Variants in TNFAIP8L3 observed in about 807,000 individuals in gnomAD.
TNFAIP8L3 encodes the protein tumor necrosis factor alpha-induced protein 8-like protein 3.
Under a neutral mutation model 11.8 loss-of-function variants are expected in TNFAIP8L3, and 7 were observed. That is an observed-to-expected ratio of 0.59 (90% CI 0.34 to 1.11). TNFAIP8L3 has a LOEUF of 1.11. Among genes scored for constraint, TNFAIP8L3 ranks in the 50% most tolerant of loss-of-function variants. The pLI, the probability that TNFAIP8L3 is intolerant of heterozygous loss-of-function variation, is 0.03. For missense variants in TNFAIP8L3, 219 were observed against 258.6 expected (o/e 0.85, Z 1.05); for synonymous variants, 98 against 103.8 (o/e 0.94, Z 0.34).
At position 51,085,455 on chromosome 15, in the gene TNFAIP8L3, C is replaced by T. The variant is rs148414331; in HGVS notation, c.52+9089G>A. Among the ~76,000 whole-genome samples, 1,401 of 152,216 alleles carry T rather than the reference C, an allele frequency of 9.2e-3. 6 individuals carry two copies. The highest frequency in any genetic ancestry group is 0.014 in the Non-Finnish European group (919 of 68,002). ...AGGAGGCCCCTGGGCAACGTGCTAG[C>T]GTGGGCCTGTGCTGGTCTGACCTGT... On this transcript the variant is annotated intron_variant, in intron 1 of 1. Coordinates refer to ENST00000637513, the MANE Select transcript of TNFAIP8L3 (RefSeq NM_001311175.2).
Position 51,091,725 on chromosome 15 carries a change from C to A in TNFAIP8L3, c.52+2819G>T, listed in dbSNP as rs568685037. On this transcript the variant is annotated intron_variant, in intron 1 of 1. Transcript: ENST00000637513. ...ACACACACACACACACACGTGCACA[C>A]ACCAGAGATAATGAACAAGAGACTG... is the stretch of plus-strand genomic sequence containing the variant. Among the ~76,000 whole-genome samples the A allele has an allele frequency of 1.8e-4, 27 of 150,634 alleles. No homozygotes were observed. The South Asian group carries it at 5.7e-3, about 32-fold the overall frequency.
chr15:51,083,374 T>C (rs1388073659), intron 1 of TNFAIP8L3, among the ~76,000 whole-genome samples: 1 of 152,180 alleles, frequency 6.6e-6, no homozygotes, highest in Non-Finnish European at 1.5e-5. Flanking sequence ...TTAAATGTCG[T>C]TGTATCCCCC....
In TNFAIP8L3 at chr15:51,094,469, C is replaced by T. The variant is rs1378546283; in HGVS notation, c.52+75G>A. The T allele has an allele frequency of 1.5e-6, 2 of 1,370,146 alleles. No individual in the cohort carries two copies. The highest frequency in any genetic ancestry group is 3.1e-5 in the Admixed American group (1 of 32,734). 84.9% of individuals were successfully genotyped at this position (1,370,146 alleles called of 1,614,324 possible). On this transcript the variant is annotated intron_variant, in intron 1 of 1. Transcript: ENST00000637513. This position sits in a 1 kb window ranked among gnomAD's most constrained non-coding sequence, Gnocchi z 4.4. ...GGGTCGGGCTGCTGAGGATCGGCTT[C>T]CCGATTTCATGCCCCAGCCTCCCGT...
At chr15:51,104,900 T>G (rs2065578839) in intron 1 of TNFAIP8L3, 1 of 1,400,760 alleles carries the variant, frequency 7.1e-7, no homozygotes, top group African/African-American at 1.4e-5. Flanking sequence ...CTGGCCCTCT[T>G]CAGATGCCAG....
intron 1 of TNFAIP8L3, among the ~76,000 whole-genome samples, chr15:51,082,936 A>G (rs1036277470): frequency 2.6e-5 from 4 of 152,246 alleles, no homozygotes. Flanking sequence ...AAAAGGAGTA[A>G]GGATAAATCA....
chr15:51,078,309 T>G (rs1184664005), intron 1 of TNFAIP8L3, among the ~76,000 whole-genome samples: 3 of 136,660 alleles, frequency 2.2e-5, no homozygotes, highest in African/African-American at 5.3e-5. Flanking sequence ...GGGCGGGGGG[T>G]TCTAAAGGCT....
intron 1 of TNFAIP8L3, among the ~76,000 whole-genome samples, chr15:51,077,689 G>T (rs1055963720): frequency 1.3e-5 from 2 of 152,208 alleles, no homozygotes; most frequent in Non-Finnish European, 2.9e-5. Context: ...AACCCAGAGG[G>T]AGAACACCCT....
At chr15:51,089,320 T>C (rs1201960640) in intron 1 of TNFAIP8L3, among the ~76,000 whole-genome samples, 3 of 152,098 alleles carry the variant, frequency 2.0e-5, no homozygotes, top group Non-Finnish European at 2.9e-5. Flanking sequence ...CTGATACAGA[T>C]GAAAAAGACC....
At chr15:51,060,652 G>A (rs912264579) in intron 1 of TNFAIP8L3, among the ~76,000 whole-genome samples, 4 of 152,180 alleles carry the variant, frequency 2.6e-5, no homozygotes, top group Non-Finnish European at 5.9e-5. Flanking sequence ...AGCAGGTGTC[G>A]GCTGAGCGAA....
intron 1 of TNFAIP8L3, among the ~76,000 whole-genome samples, chr15:51,091,242 C>T (rs937760995): frequency 1.3e-5 from 2 of 152,180 alleles, no homozygotes; most frequent in Non-Finnish European, 2.9e-5. Context: ...CATCCTCCGC[C>T]CCACCCTCCA....
At chr15:51,071,073 AGAATT>A (rs1022872650) in intron 1 of TNFAIP8L3, among the ~76,000 whole-genome samples, 1 of 149,808 alleles carries the variant, frequency 6.7e-6, no homozygotes, top group Non-Finnish European at 1.5e-5. Flanking sequence ...AAAAAAAAAA[AGAATT>A]AATTTTCTAA....
chr15:51,061,635 T>C (rs973893609), intron 1 of TNFAIP8L3, among the ~76,000 whole-genome samples: 2 of 152,190 alleles, frequency 1.3e-5, no homozygotes, highest in Non-Finnish European at 2.9e-5. Flanking sequence ...TGTGCTTTGC[T>C]TGAAAATATT....
chr15:51,101,359 C>G (rs529553703), intron 1 of TNFAIP8L3, among the ~76,000 whole-genome samples: 1 of 152,274 alleles, frequency 6.6e-6, no homozygotes, highest in South Asian at 2.1e-4. Flanking sequence ...TGGTGGCTCA[C>G]GCCTGTAATC....
At chr15:51,079,562 C>T (rs2065377004) in intron 1 of TNFAIP8L3, among the ~76,000 whole-genome samples, 1 of 152,162 alleles carries the variant, frequency 6.6e-6, no homozygotes, top group African/African-American at 2.4e-5. Flanking sequence ...CTGGCATGTC[C>T]TCCAACCAGG....
At chr15:51,080,181 T>C (rs1415651569) in intron 1 of TNFAIP8L3, among the ~76,000 whole-genome samples, 1 of 152,258 alleles carries the variant, frequency 6.6e-6, no homozygotes, top group Non-Finnish European at 1.5e-5. Flanking sequence ...ACTTCAGCGA[T>C]GACATTACTA....
intron 1 of TNFAIP8L3, among the ~76,000 whole-genome samples, chr15:51,103,279 A>G (rs1294900058): frequency 2.0e-5 from 3 of 152,204 alleles, no homozygotes; most frequent in African/African-American, 7.2e-5. Flanking sequence ...ATCCCTTAGT[A>G]AGACACCTGG....
intron 1 of TNFAIP8L3, among the ~76,000 whole-genome samples, chr15:51,088,165 T>C (rs2065443201): frequency 1.3e-5 from 2 of 151,940 alleles, no homozygotes; most frequent in African/African-American, 4.8e-5. Flanking sequence ...GAGATTTACA[T>C]GTGAATTCGA....
At chr15:51,079,855 C>CAAAAAAAAAAAAAAAA (rs10602536) in intron 1 of TNFAIP8L3, among the ~76,000 whole-genome samples, 17 of 77,604 alleles carry the variant, frequency 2.2e-4, no homozygotes, top group Admixed American at 3.1e-4. Context: ...GACTTTGTCT[C>CAAAAAAAAAAAAAAAA]AAAAAAAAAA....
chr15:51,088,879 G>A (rs2065447632), intron 1 of TNFAIP8L3, among the ~76,000 whole-genome samples: 1 of 152,192 alleles, frequency 6.6e-6, no homozygotes, highest in South Asian at 2.1e-4. Flanking sequence ...CAGCTGGAGG[G>A]AACAGCCTCA....
Sources: allele counts gnomAD v4.1 joint callset (sites outside exome capture counted in the v4.1 genomes callset), GRCh38; gene constraint gnomAD v4.1.1; non-coding constraint Gnocchi (gnomAD v3.1); transcripts MANE v1.5; gene names NCBI Gene and HGNC (gene_info 2026-07-23, HGNC 2026-07-21).